The following ZNF581 variants were observed in gnomAD, a reference collection of about 807,000 sequenced individuals.
ZNF581 encodes zinc finger protein 581.
ZNF581 carries 1 observed loss-of-function variant against 1.2 expected under a neutral mutation model. The observed-to-expected ratio is 0.83, with a 90% CI of 0.30 to 3.95. ZNF581 has a LOEUF of 3.95. Among genes scored for constraint, ZNF581 ranks in the 30% most tolerant of loss-of-function variants. The pLI is 0.18. For synonymous variants in ZNF581, 105 were observed against 109.2 expected (o/e 0.96, Z 0.24); for missense variants, 273 against 274.6 (o/e 0.99, Z 0.04).
chr19:55,643,511 T>TG (rs5828637), upstream of ZNF581: 85,966 of 159,200 alleles, frequency 0.54, 25,080 homozygotes, highest in Admixed American at 0.66. Context: ...CGTTGGGTGC[T>TG]GGGGGGTGGA....
upstream of ZNF581, among the ~76,000 whole-genome samples, chr19:55,638,784 T>A (rs1982247945): frequency 6.6e-6 from 1 of 151,434 alleles, no homozygotes; most frequent in South Asian, 2.1e-4. Flanking sequence ...AGGTCAGGAG[T>A]TGGAGACCAG....
upstream of ZNF581, among the ~76,000 whole-genome samples, chr19:55,639,897 G>A (rs1363845692): frequency 2.6e-5 from 4 of 152,322 alleles, no homozygotes; most frequent in East Asian, 7.7e-4. Flanking sequence ...GGTTACAGGT[G>A]TGAGCCACCG....
upstream of ZNF581, chr19:55,643,387 C>T (rs1381198047): frequency 7.5e-6 from 2 of 266,580 alleles, no homozygotes; most frequent in South Asian, 1.6e-4. Flanking sequence ...ATAAAGAGCA[C>T]GGGCACGGTC....
chr19:55,635,523 G>A (rs1333069135), exon 1 of ZNF581: 7 of 267,922 alleles, frequency 2.6e-5, no homozygotes, highest in Non-Finnish European at 4.1e-5. Context: ...AGTGGCCTCT[G>A]CCCCCTCTGC....
upstream of ZNF581, among the ~76,000 whole-genome samples, chr19:55,639,389 A>C (rs369886194): frequency 3.0e-4 from 46 of 152,336 alleles, no homozygotes; most frequent in East Asian, 6.6e-3. Context: ...GTGAGGCTGC[A>C]GTGAGCCAGA....
chr19:55,642,201 G>C (rs1049846975), upstream of ZNF581: 1 of 1,158,666 alleles, frequency 8.6e-7, no homozygotes, highest in African/African-American at 1.6e-5. Flanking sequence ...GAGGAGAAAA[G>C]GGAAGAAAAG....
At chr19:55,640,048 C>G (rs1982350600), upstream of ZNF581, 1 of 831,190 alleles carries the variant, frequency 1.2e-6, no homozygotes, top group African/African-American at 1.8e-5. Context: ...ATGGACAGTG[C>G]TCTAGGATGT....
At chr19:55,637,205 G>T (rs1982144144), upstream of ZNF581, among the ~76,000 whole-genome samples, 1 of 152,212 alleles carries the variant, frequency 6.6e-6, no homozygotes, top group Middle Eastern at 3.4e-3. Context: ...GAATGATTCT[G>T]TGAGCTTAAA....
At position 55,645,214 on chromosome 19, in the gene ZNF581, G is replaced by A; in HGVS notation, c.*49G>A. 1 of 1,474,778 alleles carries A rather than the reference G, an allele frequency of 6.8e-7. No homozygotes were observed. The allele number at this position is 1,474,778 out of a possible 1,614,324, so 91.4% of individuals were successfully genotyped here. On this transcript the variant is annotated 3_prime_UTR_variant, in exon 2 of 2. Coordinates refer to ENST00000270451, the MANE Select transcript of ZNF581 (RefSeq NM_016535.4). ...TACCACAGGACTTTGCAGGGAGCCT[G>A]GACTCCTGTCCAGACACCTGGTGAG... is the stretch of plus-strand genomic sequence containing the variant.
In ZNF581 at chr19:55,645,015, G is replaced by A. The variant is rs748692484; in HGVS notation, c.444G>A (p.Pro148=). 14 of 1,596,450 alleles carry A rather than the reference G, an allele frequency of 8.8e-6. No individual in the cohort carries two copies. Among genetic ancestry groups the A allele is most frequent in the East Asian group, 4.5e-5 (2 of 44,438 alleles). The change falls in exon 2 of 2, where the codon CCG becomes CCA. Residue 148 remains proline, a synonymous_variant. Coordinates refer to ENST00000270451, the MANE Select transcript of ZNF581 (RefSeq NM_016535.4). ...LAGGGRPHGC[P]LCPRRFRDAG... is the part of the protein sequence containing the mutation. ...GTGGTGGGCGGCCCCACGGCTGCCC[G>A]CTCTGCCCTCGCCGCTTCCGGGATG...
chr19:55,641,562 G>A (rs753643803), upstream of ZNF581, among the ~76,000 whole-genome samples: 2 of 152,192 alleles, frequency 1.3e-5, no homozygotes, highest in Non-Finnish European at 1.5e-5. Flanking sequence ...TACACAGAAA[G>A]GAGGGGAAAG....
upstream of ZNF581, chr19:55,642,946 C>A (rs1982621295): frequency 7.0e-7 from 1 of 1,436,628 alleles, no homozygotes; most frequent in South Asian, 1.5e-5. Flanking sequence ...GCGCCCGCGC[C>A]GGGCCGCCGC....
Position 55,644,660 on chromosome 19 carries a change from C to T in ZNF581, c.89C>T (p.Ser30Phe). 6.2e-7 allele frequency: 1 copy of T among 1,612,242 alleles called. No individual in the cohort carries two copies. Among genetic ancestry groups the T allele is most frequent in the Non-Finnish European group, 8.5e-7 (1 of 1,179,162 alleles). ...MEGPPRRTCR[S>F]PEPGPSSSIG... ...GGCCCTCCCCGTCGGACTTGCCGCT[C>T]CCCAGAACCTGGACCTTCCTCCTCC... Residue 30 changes from serine to phenylalanine, a missense_variant, in exon 2 of 2, where the codon TCC becomes TTC. Physicochemically the swap from Ser to Phe is radical, Grantham distance 155 (BLOSUM62 -2). Coordinates refer to ENST00000270451, the MANE Select transcript of ZNF581 (RefSeq NM_016535.4). The surrounding 1 kb of genome is among the most constrained non-coding windows in gnomAD (Gnocchi z 4.3).
chr19:55,635,107 C>T (rs1256676497), upstream of ZNF581: 2 of 152,296 alleles, frequency 1.3e-5, no homozygotes, highest in Non-Finnish European at 2.9e-5. Context: ...TCTTAAGAGT[C>T]CTGCCCAAGT....
At chr19:55,641,038 C>G, upstream of ZNF581, 9 of 985,134 alleles carry the variant, frequency 9.1e-6, no homozygotes, top group Non-Finnish European at 1.1e-5. Flanking sequence ...CCTCGCACCC[C>G]CGCGCCCCCA....
upstream of ZNF581, among the ~76,000 whole-genome samples, chr19:55,639,666 C>T (rs1268356740): frequency 6.6e-6 from 1 of 152,074 alleles, no homozygotes; most frequent in Non-Finnish European, 1.5e-5. Flanking sequence ...GCCCAGGCTG[C>T]AGTATAGTGG....
At chr19:55,636,125 G>A (rs1157183628), upstream of ZNF581, among the ~76,000 whole-genome samples, 1 of 152,180 alleles carries the variant, frequency 6.6e-6, no homozygotes, top group Non-Finnish European at 1.5e-5. Flanking sequence ...GAGGGTAAAG[G>A]GGGCCGGGAG....
chr19:55,641,486 T>A (rs1982473511), upstream of ZNF581, among the ~76,000 whole-genome samples: 1 of 151,788 alleles, frequency 6.6e-6, no homozygotes, highest in Non-Finnish European at 1.5e-5. Flanking sequence ...CCACGCTGTG[T>A]GTAACAGGGA....
upstream of ZNF581, chr19:55,641,044 C>T (rs1055349846): frequency 1.0e-6 from 1 of 985,156 alleles, no homozygotes; most frequent in African/African-American, 1.7e-5. Context: ...ACCCCCGCGC[C>T]CCCAGTCCCC....
Sources: allele counts gnomAD v4.1 joint callset (sites outside exome capture counted in the v4.1 genomes callset), GRCh38; gene constraint gnomAD v4.1.1; non-coding constraint Gnocchi (gnomAD v3.1); transcripts MANE v1.5; gene names NCBI Gene and HGNC (gene_info 2026-07-23, HGNC 2026-07-21).